The following SEC61A1 variants were observed in gnomAD, a reference collection of about 807,000 sequenced individuals.
SEC61A1 encodes the protein protein transport protein Sec61 subunit alpha isoform 1.
SEC61A1 carries 15 observed loss-of-function variants against 55.2 expected under a neutral mutation model. That is an observed-to-expected ratio of 0.27 (90% CI 0.18 to 0.42). The LOEUF is 0.42. Ranked by LOEUF, SEC61A1 falls within the 10% of genes least tolerant of loss-of-function variation. The pLI, the probability that SEC61A1 is intolerant of heterozygous loss-of-function variation, is 1.00. For synonymous variants in SEC61A1, 247 were observed against 234.0 expected, an observed-to-expected ratio of 1.06 and a Z score of -0.51; for missense variants, 284 against 602.6, an observed-to-expected ratio of 0.47 and a Z score of 5.53.
rs1389469329 is a variant in SEC61A1 at position 128,067,333 on chromosome 3, AT to A, written c.976-86del. 1 of 1,423,854 alleles carries A rather than the reference AT, an allele frequency of 7.0e-7. No individual in the cohort carries two copies. The highest frequency in any genetic ancestry group is 9.6e-7 in the Non-Finnish European group (1 of 1,042,142). 88.2% of individuals were successfully genotyped at this position (1,423,854 alleles called of 1,614,324 possible). On this transcript the variant is annotated intron_variant, in intron 9 of 11. Transcript: ENST00000243253. The surrounding 1 kb of genome is among the most constrained non-coding windows in gnomAD (Gnocchi z 4.1). ...TACTGTGGGCACCGAGTAAAATTGC[AT>A]TCTTTCATCTGCTCAGAACTATTTT...
intron 8 of SEC61A1, among the ~76,000 whole-genome samples, chr3:128,066,426 T>A (rs1224197331): frequency 1.3e-5 from 2 of 151,818 alleles, no homozygotes; most frequent in Admixed American, 6.5e-5. Flanking sequence ...CTTGCTTCCA[T>A]GTTTTGTTTT....
intron 6 of SEC61A1, 101 bp from the exon 7 acceptor site, chr3:128,060,407 T>G (rs557374623): frequency 7.6e-7 from 1 of 1,321,944 alleles, no homozygotes; most frequent in African/African-American, 1.5e-5. Flanking sequence ...GTGATCTCAT[T>G]CCGTCTTCAG....
At chr3:128,065,732 A>ATTTTTTTTT (rs758640768) in intron 8 of SEC61A1, among the ~76,000 whole-genome samples, 25 of 97,500 alleles carry the variant, frequency 2.6e-4, no homozygotes, top group Non-Finnish European at 3.2e-4. Flanking sequence ...ATCATTAAGA[A>ATTTTTTTTT]TTTTTTTTTT....
chr3:128,055,210 C>T (rs1264440113), intron 2 of SEC61A1, among the ~76,000 whole-genome samples: 1 of 152,190 alleles, frequency 6.6e-6, no homozygotes, highest in Non-Finnish European at 1.5e-5. Flanking sequence ...CTCAAACTCA[C>T]TTTAGCATTG....
At chr3:128,053,487 T>C (rs1309714889) in intron 2 of SEC61A1, among the ~76,000 whole-genome samples, 1 of 152,168 alleles carries the variant, frequency 6.6e-6, no homozygotes, top group East Asian at 1.9e-4. Context: ...GGAGTGAGTG[T>C]TGCCAGTGTA....
intron 6 of SEC61A1, 104 bp from the exon 7 acceptor site, chr3:128,060,404 C>A: frequency 7.7e-7 from 1 of 1,293,992 alleles, no homozygotes; most frequent in Non-Finnish European, 1.1e-6. Context: ...GATGTGATCT[C>A]ATTCCGTCTT....
intron 2 of SEC61A1, among the ~76,000 whole-genome samples, chr3:128,054,784 G>A (rs1030656): frequency 6.6e-6 from 1 of 152,016 alleles, no homozygotes; most frequent in Admixed American, 6.5e-5. Context: ...CTCAGTTTCA[G>A]AGGCAGAAAA....
At chr3:128,060,308 C>A in intron 6 of SEC61A1, 97 bp downstream of exon 6, 2 of 1,116,542 alleles carry the variant, frequency 1.8e-6, no homozygotes, top group South Asian at 1.4e-5. Flanking sequence ...GGAACTCCTA[C>A]TGAAAGGAAG....
chr3:128,068,248 CACTT>C (rs1370669654), intron 11 of SEC61A1, among the ~76,000 whole-genome samples, 189 bp downstream of exon 11: 11 of 152,232 alleles, frequency 7.2e-5, no homozygotes, highest in Admixed American at 5.2e-4. Flanking sequence ...TAAAAATAAA[CACTT>C]ACAGCCCCTT....
At chr3:128,059,289 C>T (rs1414956021) in intron 5 of SEC61A1, among the ~76,000 whole-genome samples, 2 of 152,050 alleles carry the variant, frequency 1.3e-5, no homozygotes, top group Non-Finnish European at 2.9e-5. Context: ...CTGGCTAACA[C>T]AGTGAAACCC....
rs867186228 is a variant in SEC61A1 at position 128,064,999 on chromosome 3, G to A, written c.739G>A (p.Ala247Thr). Residue 247 changes from alanine to threonine, a missense_variant, in exon 8 of 12, where the codon GCC (alanine) becomes ACC (threonine). Coordinates refer to ENST00000243253, the MANE Select transcript of SEC61A1 (RefSeq NM_013336.4). ...QNLPNLMNLI[A>T]TIFVFAVVIY... ...TCTTCCCAACCTCATGAATCTCATC[G>A]CCACCATCTTTGTCTTTGCAGTGGT... 4 of 1,614,072 alleles carry A rather than the reference G, an allele frequency of 2.5e-6. No individual in the cohort carries two copies. Among genetic ancestry groups the A allele is most frequent in the Admixed American group, 1.7e-5 (1 of 60,004 alleles).
At chr3:128,065,445 CT>C (rs1941938660) in intron 8 of SEC61A1, among the ~76,000 whole-genome samples, 1 of 152,160 alleles carries the variant, frequency 6.6e-6, no homozygotes, top group Non-Finnish European at 1.5e-5. Flanking sequence ...GCTGTCTTAC[CT>C]TTAAAAGTAT....
At position 128,071,118 on chromosome 3, in the gene SEC61A1, A is replaced by C. The variant is rs560145932; in HGVS notation, c.*1456A>C. 6.6e-6 allele frequency: 1 copy of C among 152,484 alleles called. No homozygotes were observed. The highest frequency in any genetic ancestry group is 1.5e-5 in the Non-Finnish European group (1 of 68,158). The allele number at this position is 152,484 out of a possible 1,614,324, so 9.4% of individuals were successfully genotyped here. On this transcript the variant is annotated 3_prime_UTR_variant, in exon 12 of 12. Transcript: ENST00000243253. ...CACCGCCACAGCCCGGCAGAGGGGC[A>C]CACTCTGGAGACCTTGCTGGCAGTG...
intron 11 of SEC61A1, among the ~76,000 whole-genome samples, chr3:128,069,067 T>A (rs1942072783): frequency 6.6e-6 from 1 of 152,238 alleles, no homozygotes; most frequent in African/African-American, 2.4e-5. Flanking sequence ...AAGTCACATG[T>A]AGTTTTTAAA....
rs373610392 is a variant in SEC61A1, at chr3:128,067,385, G to C, written c.976-36G>C. ...TGCCTTGATGCTAAAGTAAAATGAA[G>C]GAGCACTCACATGCGTTTGGTTTCT... On this transcript the variant is annotated intron_variant, in intron 9 of 11. Transcript: ENST00000243253. This position sits in a 1 kb window ranked among gnomAD's most constrained non-coding sequence, Gnocchi z 4.1. 7.6e-6 allele frequency: 12 copies of C among 1,583,136 alleles called. No individual in the cohort carries two copies. Among genetic ancestry groups the C allele is most frequent in the Non-Finnish European group, 9.4e-6 (11 of 1,165,362 alleles).
Position 128,056,683 on chromosome 3 carries a change from C to G in SEC61A1, c.221-26C>G. 4 of 1,493,454 alleles carry G rather than the reference C, an allele frequency of 2.7e-6. No homozygotes were observed. The South Asian group carries it at 5.5e-5, about 21-fold the overall frequency. 92.5% of individuals were successfully genotyped at this position (1,493,454 alleles called of 1,614,324 possible). ...TACTACGTTTCCAAGCTGATATTGA[C>G]TGTTTTGCTTCCCCGTTTCCTCAAG... is the stretch of plus-strand genomic sequence containing the variant. On this transcript the variant is annotated intron_variant, in intron 4 of 11. Transcript: ENST00000243253.
chr3:128,054,379 C>A (rs1941738674), intron 2 of SEC61A1, among the ~76,000 whole-genome samples: 2 of 152,206 alleles, frequency 1.3e-5, no homozygotes, highest in Non-Finnish European at 2.9e-5. Context: ...AATGGCGTTG[C>A]CTTCTCTTGG....
chr3:128,063,596 A>G (rs1044820747), intron 7 of SEC61A1, among the ~76,000 whole-genome samples: 19 of 152,098 alleles, frequency 1.2e-4, no homozygotes, highest in Non-Finnish European at 2.8e-4. Flanking sequence ...CAGTCTCCCA[A>G]AGTGCTGGGA....
At position 128,066,994 on chromosome 3, in the gene SEC61A1, G is replaced by A. The variant is rs759524745; in HGVS notation, c.818G>A (p.Arg273His). The change falls in exon 9 of 12, where the codon CGT becomes CAT. Residue 273 changes from arginine (R) to histidine (H), a missense_variant. Arg to His is a conservative substitution (Grantham distance 29). Coordinates refer to ENST00000243253, the MANE Select transcript of SEC61A1 (RefSeq NM_013336.4). ...VDLPIKSARY[R>H]GQYNTYPIKL... is the part of the protein sequence containing the mutation. ...CTGCCAATCAAGTCGGCCCGCTACCGTGGCCAGTACAACACCTATCCCATC... is the reference window on the plus strand; with the variant it reads ...CTGCCAATCAAGTCGGCCCGCTACCATGGCCAGTACAACACCTATCCCATC... The A allele has an allele frequency of 9.9e-6, 16 of 1,614,034 alleles. No homozygotes were observed. The highest frequency in any genetic ancestry group is 1.1e-5 in the South Asian group (1 of 91,090).
Sources: gnomAD v4.1 joint callset for allele counts (sites outside exome capture counted in the v4.1 genomes callset) on GRCh38, gnomAD v4.1.1 for gene constraint, Gnocchi (gnomAD v3.1) non-coding constraint, MANE v1.5 for transcripts, NCBI Gene and HGNC (gene_info 2026-07-23, HGNC 2026-07-21) for gene names.